Variants in CPSF6 observed in about 807,000 individuals in gnomAD.
The protein encoded by CPSF6 is cleavage and polyadenylation specific factor 6, also known as cleavage and polyadenylation specificity factor subunit 6.
A neutral mutation model predicts 56.7 loss-of-function variants in CPSF6; 10 were observed. That is an observed-to-expected ratio of 0.18 (90% CI 0.11 to 0.30). CPSF6 has a LOEUF of 0.30. Ranked by LOEUF, CPSF6 falls within the 10% of genes least tolerant of loss-of-function variation. The probability of loss-of-function intolerance (pLI) is 1.00; values close to 1 mark genes in which losing one functional copy is unlikely to be tolerated. For missense variants in CPSF6, 419 were observed against 722.9 expected (o/e 0.58, Z 4.82); for synonymous variants, 248 against 244.8 (o/e 1.01, Z -0.12).
intron 3 of CPSF6, 134 bp from the exon 4 acceptor site, chr12:69,256,563 G>A (rs1224490185): frequency 7.3e-6 from 6 of 825,352 alleles, no homozygotes; most frequent in Non-Finnish European, 1.1e-5. Context: ...TAAGCAGCTG[G>A]GATTACAGGC....
At chr12:69,240,051 T>G (rs1871524316) in intron 1 of CPSF6, among the ~76,000 whole-genome samples, 2 of 150,508 alleles carry the variant, frequency 1.3e-5, no homozygotes, top group African/African-American at 2.4e-5. Context: ...TGGGGCCGCG[T>G]GTAAGCGGCG....
rs1386864660 is a variant in CPSF6, at chr12:69,258,108, G to T, written c.694+203G>T. 2 of 1,535,986 alleles carry T rather than the reference G, an allele frequency of 1.3e-6. No individual in the cohort carries two copies. Among genetic ancestry groups the T allele is most frequent in the Admixed American group, 3.9e-5 (2 of 50,990 alleles). ...AAACTAGGATTCCATGGCATATGGG[G>T]CACAGCATAGAGGAAATACCCATTT... On this transcript the variant is annotated intron_variant, in intron 5 of 9. Coordinates refer to ENST00000435070, the MANE Select transcript of CPSF6 (RefSeq NM_007007.3). This position sits in a 1 kb window ranked among gnomAD's most constrained non-coding sequence, Gnocchi z 4.2.
At chr12:69,244,234 T>G (rs564041136) in intron 1 of CPSF6, among the ~76,000 whole-genome samples, 2 of 152,308 alleles carry the variant, frequency 1.3e-5, no homozygotes, top group African/African-American at 4.8e-5. Context: ...TTACTTCTTT[T>G]TTTTGTTTTG....
chr12:69,262,614 A>G (rs954029438), intron 9 of CPSF6, 52 bp downstream of exon 9: 5 of 1,542,632 alleles, frequency 3.2e-6, no homozygotes, highest in African/African-American at 2.7e-5. Flanking sequence ...AACAGTAACT[A>G]TAACTCCAAG....
intron 1 of CPSF6, among the ~76,000 whole-genome samples, chr12:69,248,665 G>A (rs1349876819): frequency 6.6e-6 from 1 of 152,074 alleles, no homozygotes; most frequent in African/African-American, 2.4e-5. Flanking sequence ...TGTACAAACA[G>A]AATAAAATTA....
Position 69,245,853 on chromosome 12 carries a change from A to C in CPSF6, c.61-5276A>C, listed in dbSNP as rs182687962. On this transcript the variant is annotated intron_variant, in intron 1 of 9. Coordinates refer to ENST00000435070, the MANE Select transcript of CPSF6 (RefSeq NM_007007.3). ...ATAATTCCAGCAGTTTGGGAGGCTG[A>C]AGTAGGCGGATCACTTGAGGTCAGG... Among the ~76,000 whole-genome samples the C allele has an allele frequency of 6.8e-3, 1,043 of 152,330 alleles. 2 individuals are homozygous for C. The highest frequency in any genetic ancestry group is 9.0e-3 in the Non-Finnish European group (610 of 68,024).
At chr12:69,242,202 T>TTA (rs1871660688) in intron 1 of CPSF6, among the ~76,000 whole-genome samples, 1 of 107,644 alleles carries the variant, frequency 9.3e-6, no homozygotes, top group Non-Finnish European at 2.0e-5. Flanking sequence ...GTTGTAAACA[T>TTA]TAAAAAAAAA....
chr12:69,262,330 A>G, intron 8 of CPSF6, 43 bp from the exon 9 acceptor site: 3 of 1,481,972 alleles, frequency 2.0e-6, no homozygotes, highest in East Asian at 2.3e-5. Context: ...TTTTTAGGCT[A>G]TCTAATTATG....
At chr12:69,247,368 A>AT (rs1365748114) in intron 1 of CPSF6, among the ~76,000 whole-genome samples, 1 of 148,152 alleles carries the variant, frequency 6.7e-6, no homozygotes, top group African/African-American at 2.5e-5. Flanking sequence ...AAAATTAGTG[A>AT]GTTTTTTTTT....
chr12:69,262,445 A>G lies in CPSF6; in HGVS notation c.1542A>G (p.Arg514=), dbSNP rs1184888615. The change falls in exon 9 of 10, where the codon AGA becomes AGG. Residue 514 remains arginine (R), a synonymous_variant. Coordinates refer to ENST00000435070, the MANE Select transcript of CPSF6 (RefSeq NM_007007.3). The part of the protein sequence containing the change: ...EKSRRHKSRS[R]DRHDDYYRER... ...GTCGACGTCATAAATCCCGTAGTAGAGACCGTCATGACGATTATTACAGAG... is the reference window on the plus strand; with the variant it reads ...GTCGACGTCATAAATCCCGTAGTAGGGACCGTCATGACGATTATTACAGAG... The G allele has an allele frequency of 6.2e-7, 1 of 1,614,062 alleles. No homozygotes were observed. Among genetic ancestry groups the G allele is most frequent in the South Asian group, 1.1e-5 (1 of 91,068 alleles).
intron 1 of CPSF6, among the ~76,000 whole-genome samples, chr12:69,245,532 GACT>G (rs1453139587): frequency 2.6e-5 from 4 of 152,140 alleles, no homozygotes; most frequent in Non-Finnish European, 5.9e-5. Flanking sequence ...GATAAGAGGG[GACT>G]ACTATAATTA....
rs754923243 is a variant in CPSF6 at position 69,254,842 on chromosome 12, G to A, written c.374+1688G>A. 5.9e-5 allele frequency among the ~76,000 whole-genome samples: 9 copies of A among 152,138 alleles called. No homozygotes were observed. The East Asian group carries it at 9.6e-4, about 16-fold the overall frequency. ...TCCCTCAAATAATTTAGAATATCCT[G>A]TAACTATACGAATTGGTAATCATTC... On this transcript the variant is annotated intron_variant, in intron 3 of 9. Coordinates refer to ENST00000435070, the MANE Select transcript of CPSF6 (RefSeq NM_007007.3).
At chr12:69,267,214 T>A (rs1873032921) in intron 9 of CPSF6, among the ~76,000 whole-genome samples, 1 of 152,056 alleles carries the variant, frequency 6.6e-6, no homozygotes, top group African/African-American at 2.4e-5. Context: ...AAGATGAATT[T>A]ACCATGAATT....
chr12:69,259,192 C>T, intron 6 of CPSF6, 98 bp downstream of exon 6: 5 of 1,376,940 alleles, frequency 3.6e-6, no homozygotes, highest in Non-Finnish European at 4.8e-6. Flanking sequence ...TTATTTCTGC[C>T]TTCCAAGAAG....
rs776750091 is a variant in CPSF6 at position 69,248,519 on chromosome 12, C to T, written c.61-2610C>T. Among the ~76,000 whole-genome samples the T allele has an allele frequency of 9.2e-5, 14 of 152,296 alleles. No individual in the cohort carries two copies. The South Asian group carries it at 2.1e-3, about 23-fold the overall frequency. On this transcript the variant is annotated intron_variant, in intron 1 of 9. Transcript: ENST00000435070. ...CATGGAACTACTGCTGCAGCCACAC[C>T]GCCTGAAGCTTCAGCCACACTGAAA... is the stretch of plus-strand genomic sequence containing the variant.
At chr12:69,255,285 C>T (rs1480500088) in intron 3 of CPSF6, 2 of 152,108 alleles carry the variant, frequency 1.3e-5, no homozygotes, top group South Asian at 2.1e-4. Context: ...ATCTATCAGT[C>T]GATGGACGTC....
chr12:69,256,414 A>G (rs1290413758), intron 3 of CPSF6, among the ~76,000 whole-genome samples: 4 of 152,210 alleles, frequency 2.6e-5, no homozygotes, highest in South Asian at 2.1e-4. Context: ...ATAGTTAAGA[A>G]ATATTTTTAG....
intron 1 of CPSF6, among the ~76,000 whole-genome samples, chr12:69,243,954 C>G (rs1273682603): frequency 1.3e-5 from 2 of 152,174 alleles, no homozygotes; most frequent in Non-Finnish European, 2.9e-5. Context: ...CTGTCTTAGT[C>G]TCCAGAGCAG....
chr12:69,259,011 A>G lies in CPSF6; in HGVS notation c.1116A>G (p.Thr372=), dbSNP rs774352316. The G allele has an allele frequency of 1.9e-5, 31 of 1,610,892 alleles. No homozygotes were observed. The highest frequency in any genetic ancestry group is 2.5e-5 in the Non-Finnish European group (30 of 1,180,034). ...CACCAACTAACAGTGGCATGCCTAC[A>G]TCAGATAGCCGAGGTCCACCACCAA... The part of the protein sequence containing the change: ...FPPPTNSGMP[T]SDSRGPPPTD... Residue 372 remains threonine (T), a synonymous_variant, in exon 6 of 10, where the codon ACA becomes ACG. Coordinates refer to ENST00000435070, the MANE Select transcript of CPSF6 (RefSeq NM_007007.3).
Sources: gnomAD v4.1 joint callset for allele counts (sites outside exome capture counted in the v4.1 genomes callset) on GRCh38, gnomAD v4.1.1 for gene constraint, Gnocchi (gnomAD v3.1) non-coding constraint, MANE v1.5 for transcripts, NCBI Gene and HGNC (gene_info 2026-07-23, HGNC 2026-07-21) for gene names.